The following MTIF2 variants were observed in gnomAD, a reference collection of about 807,000 sequenced individuals.
The protein encoded by MTIF2 is mitochondrial translational initiation factor 2, also known as translation initiation factor IF-2, mitochondrial.
A neutral mutation model predicts 83.5 loss-of-function variants in MTIF2; 71 were observed. The ratio of observed to expected loss-of-function variants is 0.85; its 90% CI spans 0.70 to 1.04. The LOEUF (loss-of-function observed/expected upper bound fraction) is 1.04, where lower values mean the gene tolerates loss of function less well. MTIF2 is among the 50% of genes least tolerant of loss of function. MTIF2 has a pLI of 0.00. For missense variants in MTIF2, 957 were observed against 846.5 expected (o/e 1.13, Z -1.62); for synonymous variants, 319 against 287.1 (o/e 1.11, Z -1.12).
intron 3 of MTIF2, among the ~76,000 whole-genome samples, chr2:55,264,476 A>T (rs533404298): frequency 3.6e-4 from 55 of 152,178 alleles, no homozygotes; most frequent in African/African-American, 1.3e-3. Flanking sequence ...GGATCTAGTG[A>T]TCCACCTTGG....
At chr2:55,258,066 A>G (rs1573906022) in intron 5 of MTIF2, among the ~76,000 whole-genome samples, 2 of 152,226 alleles carry the variant, frequency 1.3e-5, no homozygotes, top group African/African-American at 4.8e-5. Context: ...TGCTGGGATT[A>G]CAGACATGAG....
chr2:55,268,037 G>T (rs1247005431), intron 2 of MTIF2, among the ~76,000 whole-genome samples: 3 of 152,106 alleles, frequency 2.0e-5, no homozygotes, highest in Non-Finnish European at 2.9e-5. Context: ...CGGATCACCT[G>T]AGGTCAGGAG....
intron 5 of MTIF2, among the ~76,000 whole-genome samples, chr2:55,260,795 C>T (rs1272393547): frequency 6.6e-6 from 1 of 152,080 alleles, no homozygotes; most frequent in Admixed American, 6.6e-5. Flanking sequence ...GTCTGTTACA[C>T]TTTGTTACAA....
At chr2:55,253,692 G>GTT (rs760479285) in intron 7 of MTIF2, among the ~76,000 whole-genome samples, 3 of 152,142 alleles carry the variant, frequency 2.0e-5, no homozygotes, top group Non-Finnish European at 2.9e-5. Flanking sequence ...GTGCACACCT[G>GTT]TAGTCCCAGC....
At chr2:55,255,084 A>C (rs1454697604) in intron 5 of MTIF2, among the ~76,000 whole-genome samples, 6 of 152,114 alleles carry the variant, frequency 3.9e-5, no homozygotes, top group African/African-American at 1.4e-4. Flanking sequence ...CTGAATCATC[A>C]ATAAAACATT....
At chr2:55,251,033 C>G (rs941483579) in intron 8 of MTIF2, among the ~76,000 whole-genome samples, 2 of 149,642 alleles carry the variant, frequency 1.3e-5, no homozygotes, top group Admixed American at 1.3e-4. Flanking sequence ...TCGCTTGAAC[C>G]TGGGAGAAGG....
At chr2:55,243,996 A>G (rs368313818) in intron 11 of MTIF2, 33 bp downstream of exon 11, 58 of 1,488,960 alleles carry the variant, frequency 3.9e-5, no homozygotes, top group Middle Eastern at 2.3e-4. Context: ...TCATTATATT[A>G]TATCTAATAT....
intron 14 of MTIF2, among the ~76,000 whole-genome samples, chr2:55,238,977 A>C (rs544900932): frequency 6.6e-6 from 1 of 152,248 alleles, no homozygotes; most frequent in East Asian, 1.9e-4. Flanking sequence ...CATCATGGGG[A>C]AACACTGGAC....
rs1676936859 is a variant in MTIF2 at position 55,249,459 on chromosome 2, G to A, written c.917C>T (p.Ala306Val). The part of the protein sequence containing the change: ...DPEKVKKELL[A>V]YDVVCEDYGG... ...ATAATCTTCACATACCACATCGTAA[G>A]CCAGCAGCTCTTTTTTCACTTTCTC... The change falls in exon 9 of 16, where the codon GCT becomes GTT. Residue 306 changes from alanine (A) to valine (V), a missense_variant. Coordinates refer to ENST00000263629, the MANE Select transcript of MTIF2 (RefSeq NM_002453.3). The A allele has an allele frequency of 6.2e-7, 1 of 1,614,066 alleles. No homozygotes were observed. Among genetic ancestry groups the A allele is most frequent in the African/African-American group, 1.3e-5 (1 of 74,938 alleles).
At chr2:55,262,994 C>T (rs7594081) in intron 4 of MTIF2, among the ~76,000 whole-genome samples, 4 of 152,158 alleles carry the variant, frequency 2.6e-5, no homozygotes, top group South Asian at 2.1e-4. Flanking sequence ...CCCAAAGAGC[C>T]GTGATTACAG....
intron 8 of MTIF2, among the ~76,000 whole-genome samples, chr2:55,252,077 T>C (rs1677136375): frequency 6.6e-6 from 1 of 152,220 alleles, no homozygotes; most frequent in African/African-American, 2.4e-5. Context: ...AAGTTTCTCT[T>C]TAGAGAAGAA....
chr2:55,263,143 G>A (rs1025482547), intron 4 of MTIF2, among the ~76,000 whole-genome samples: 7 of 152,310 alleles, frequency 4.6e-5, no homozygotes, highest in African/African-American at 1.7e-4. Context: ...TTACAGGCGT[G>A]AGCCACCACA....
rs147847552 is a variant in MTIF2, at chr2:55,252,494, T to C, written c.824A>G (p.His275Arg). Residue 275 changes from histidine (H) to arginine (R), a missense_variant, in exon 8 of 16, where the codon CAT becomes CGT. By Grantham distance (29) the His-to-Arg change is conservative. Around this residue, in one of 3 missense-constraint regions of MTIF2, gnomAD observed 733 missense variants for 648.7 expected, o/e 1.13. Coordinates refer to ENST00000263629, the MANE Select transcript of MTIF2 (RefSeq NM_002453.3). ...CACAGTACCCTGTGCATCTTTGGCA[T>C]GCTGAATAGATTCTACAGTTTGTTT... ...VMKQTVESIQHAKDAQVPIIL... is the reference protein window; with the variant it reads ...VMKQTVESIQRAKDAQVPIIL... The C allele has an allele frequency of 1.2e-6, 2 of 1,614,058 alleles. No homozygotes were observed. Among genetic ancestry groups the C allele is most frequent in the Non-Finnish European group, 1.7e-6 (2 of 1,180,016 alleles).
rs200355392 is a variant in MTIF2 at position 55,252,604 on chromosome 2, A to C, written c.714T>G (p.His238Gln). 1.2e-6 allele frequency: 2 copies of C among 1,614,216 alleles called. No individual in the cohort carries two copies. Among genetic ancestry groups the C allele is most frequent in the Non-Finnish European group, 1.7e-6 (2 of 1,180,030 alleles). ...TGGCTCTCATTGCTGAGAAAGCAGC[A>C]TGTCCTGGAGTATCAAGAAAAGTTA... ...EKITFLDTPGHAAFSAMRARG... is the reference protein window; with the variant it reads ...EKITFLDTPGQAAFSAMRARG... The change falls in exon 8 of 16, where the codon CAT becomes CAG. Residue 238 changes from histidine (H) to glutamine (Q), a missense_variant. His to Gln is a conservative substitution (Grantham distance 24, BLOSUM62 0). Around this residue, in one of 3 missense-constraint regions of MTIF2, gnomAD observed 733 missense variants for 648.7 expected, o/e 1.13. Transcript: ENST00000263629.
chr2:55,241,417 C>CA (rs71410490), intron 13 of MTIF2, among the ~76,000 whole-genome samples: 8,528 of 80,214 alleles, frequency 0.11, 296 homozygotes, highest in African/African-American at 0.14. Flanking sequence ...GACTCTGTCT[C>CA]AAAAAAAAAA....
At chr2:55,250,809 G>A (rs1395952705) in intron 8 of MTIF2, among the ~76,000 whole-genome samples, 2 of 152,002 alleles carry the variant, frequency 1.3e-5, no homozygotes, top group South Asian at 4.1e-4. Context: ...AATCCACAAC[G>A]TACTATTACG....
chr2:55,240,392 C>G (rs1676214439), intron 13 of MTIF2, among the ~76,000 whole-genome samples: 1 of 152,136 alleles, frequency 6.6e-6, no homozygotes, highest in African/African-American at 2.4e-5. Context: ...ACCAGCCTGG[C>G]CAACATGGTG....
chr2:55,257,849 G>A (rs1164483146), intron 5 of MTIF2, among the ~76,000 whole-genome samples: 1 of 152,188 alleles, frequency 6.6e-6, no homozygotes, highest in Non-Finnish European at 1.5e-5. Context: ...TGGCTGGAGT[G>A]CAGTGGCACA....
At chr2:55,244,803 T>C (rs1676576902) in intron 10 of MTIF2, among the ~76,000 whole-genome samples, 2 of 151,804 alleles carry the variant, frequency 1.3e-5, no homozygotes, top group East Asian at 3.9e-4. Context: ...TCCCAGTACT[T>C]TGGGAGGCCG....
Sources: allele counts gnomAD v4.1 joint callset (sites outside exome capture counted in the v4.1 genomes callset), GRCh38; gene constraint gnomAD v4.1.1; regional missense constraint gnomAD v4.1.1; transcripts MANE v1.5; gene names NCBI Gene and HGNC (gene_info 2026-07-23, HGNC 2026-07-21).